Variants in BACH2 observed in about 807,000 individuals in gnomAD.
BACH2 encodes the protein transcription regulator protein BACH2.
In BACH2, 5 loss-of-function variants were observed where a neutral mutation model predicts 61.8. That is an observed-to-expected ratio of 0.08 (90% CI 0.04 to 0.17). The LOEUF is 0.17. Among genes scored for constraint, BACH2 ranks in the 10% least tolerant of loss-of-function variants. The probability of loss-of-function intolerance (pLI) is 1.00; values close to 1 mark genes in which losing one functional copy is unlikely to be tolerated. For missense variants in BACH2, 824 were observed against 1,091.1 expected (o/e 0.76, Z 3.45); for synonymous variants, 446 against 440.1 (o/e 1.01, Z -0.17).
chr6:90,103,015 A>ATC (rs1782727555), intron 4 of BACH2, among the ~76,000 whole-genome samples: 1 of 31,994 alleles, frequency 3.1e-5, no homozygotes, highest in Non-Finnish European at 5.8e-5. Context: ...ACATATATAT[A>ATC]TATATATATA....
rs12176337 is a variant in BACH2 at position 90,099,247 on chromosome 6, G to A, written c.-161-10138C>T. 7.2e-3 allele frequency among the ~76,000 whole-genome samples: 1,090 copies of A among 152,324 alleles called. 82 individuals are homozygous for A. In the East Asian group the frequency reaches 0.16, roughly 23 times the overall value. On this transcript the variant is annotated intron_variant, in intron 4 of 8. Transcript: ENST00000257749. ...TCTCCTCCAGGAGAAGTGTGGGGCA[G>A]TGAATTAGGAATAAGCCTAAAGTCA...
chr6:90,133,979 G>C (rs574830059), intron 4 of BACH2, among the ~76,000 whole-genome samples: 101 of 152,300 alleles, frequency 6.6e-4, no homozygotes, highest in African/African-American at 2.3e-3. Context: ...CTTTGCTATT[G>C]TGAATAGTGC....
chr6:90,222,469 CTG>C (rs892142324), intron 3 of BACH2, among the ~76,000 whole-genome samples: 25 of 152,150 alleles, frequency 1.6e-4, no homozygotes, highest in Non-Finnish European at 4.4e-5. Flanking sequence ...CTTTAGAAGA[CTG>C]TATGTGAGGG....
intron 3 of BACH2, among the ~76,000 whole-genome samples, chr6:90,248,525 A>T (rs1770706928): frequency 6.6e-6 from 1 of 152,226 alleles, no homozygotes; most frequent in African/African-American, 2.4e-5. Flanking sequence ...AGTATGGACA[A>T]CTGGGTGGTG....
chr6:90,093,180 T>C (rs1782243320), intron 4 of BACH2, among the ~76,000 whole-genome samples: 1 of 152,208 alleles, frequency 6.6e-6, no homozygotes, highest in Non-Finnish European at 1.5e-5. Context: ...ACAACTGGTA[T>C]AGCCAAGTAA....
intron 5 of BACH2, among the ~76,000 whole-genome samples, chr6:90,018,952 GCTT>G (rs1266421847): frequency 2.0e-5 from 3 of 152,118 alleles, no homozygotes; most frequent in East Asian, 3.9e-4. Flanking sequence ...TTCTATTCTG[GCTT>G]CTTATTAGTC....
intron 6 of BACH2, among the ~76,000 whole-genome samples, chr6:89,958,371 C>T (rs1370152981): frequency 6.6e-6 from 1 of 152,302 alleles, no homozygotes; most frequent in Non-Finnish European, 1.5e-5. Flanking sequence ...ATTCAAGTCT[C>T]AGCTCTGCTG....
chr6:90,064,094 A>G (rs551791476), intron 5 of BACH2, among the ~76,000 whole-genome samples: 4 of 152,328 alleles, frequency 2.6e-5, no homozygotes, highest in African/African-American at 9.6e-5. Context: ...AGAAAATGAA[A>G]ATGAATAAGA....
At chr6:90,030,480 G>C (rs1190246926) in intron 5 of BACH2, among the ~76,000 whole-genome samples, 2 of 152,072 alleles carry the variant, frequency 1.3e-5, no homozygotes, top group Non-Finnish European at 2.9e-5. Flanking sequence ...GAAGAAAAGA[G>C]AGAAGAATCA....
chr6:90,096,424 G>C (rs765474296), intron 4 of BACH2, among the ~76,000 whole-genome samples: 2 of 152,120 alleles, frequency 1.3e-5, no homozygotes, highest in African/African-American at 2.4e-5. Flanking sequence ...TTTCCATCAA[G>C]GGATAACCAA....
At chr6:90,269,989 T>C (rs1042401483) in intron 2 of BACH2, among the ~76,000 whole-genome samples, 2 of 152,230 alleles carry the variant, frequency 1.3e-5, no homozygotes, top group African/African-American at 4.8e-5. Flanking sequence ...ATATTTGGTT[T>C]TCCATTCCTG....
In BACH2 at chr6:90,246,720, G is replaced by A. The variant is rs73755607; in HGVS notation, c.-275+5793C>T. ...ATTTTAAGGTGATTTGAAGCAAAAG[G>A]TCACCAAGTATATTACAATACAATC... On this transcript the variant is annotated intron_variant, in intron 3 of 8. Coordinates refer to ENST00000257749, the MANE Select transcript of BACH2 (RefSeq NM_021813.4). Among the ~76,000 whole-genome samples, 981 of 152,112 alleles carry A rather than the reference G, an allele frequency of 6.4e-3. 10 individuals carry two copies. Among genetic ancestry groups the A allele is most frequent in the African/African-American group, 0.023 (937 of 41,478 alleles).
intron 4 of BACH2, among the ~76,000 whole-genome samples, chr6:90,153,010 T>C (rs1374988708): frequency 6.6e-6 from 1 of 152,154 alleles, no homozygotes; most frequent in Non-Finnish European, 1.5e-5. Context: ...TCAAATCTAA[T>C]TAAGCACCAG....
chr6:90,027,664 T>G (rs1233193161), intron 5 of BACH2, among the ~76,000 whole-genome samples: 1 of 152,184 alleles, frequency 6.6e-6, no homozygotes, highest in African/African-American at 2.4e-5. Context: ...CCTTCCATCC[T>G]TAGATAGAGG....
At position 89,931,211 on chromosome 6, in the gene BACH2, TG is replaced by T. The variant is rs1772624963; in HGVS notation, c.*1196del. On this transcript the variant is annotated 3_prime_UTR_variant, in exon 9 of 9. Transcript: ENST00000257749. ...ATAAAATCACGGATTCCTGTTTTTC[TG>T]ATGTACTTTTGAGTGAGATGTCCAA... 6.6e-6 allele frequency: 1 copy of T among 152,382 alleles called. No homozygotes were observed. Among genetic ancestry groups the T allele is most frequent in the African/African-American group, 2.4e-5 (1 of 41,464 alleles). 9.4% of individuals were successfully genotyped at this position (152,382 alleles called of 1,614,324 possible).
chr6:90,157,347 C>T (rs1201453487), intron 4 of BACH2, among the ~76,000 whole-genome samples: 1 of 152,170 alleles, frequency 6.6e-6, no homozygotes, highest in Non-Finnish European at 1.5e-5. Flanking sequence ...TCTAAGGGCA[C>T]AAAAATTTGT....
chr6:90,048,997 G>C (rs574736127), intron 5 of BACH2, among the ~76,000 whole-genome samples: 1 of 152,224 alleles, frequency 6.6e-6, no homozygotes, highest in South Asian at 2.1e-4. Context: ...AAGCAAAATG[G>C]GGAACTCAAA....
chr6:90,275,618 G>C (rs1239611433), intron 1 of BACH2, among the ~76,000 whole-genome samples: 1 of 152,076 alleles, frequency 6.6e-6, no homozygotes, highest in Admixed American at 6.6e-5. Flanking sequence ...CCTAGTACCT[G>C]ATAGGTTTTT....
intron 4 of BACH2, among the ~76,000 whole-genome samples, chr6:90,119,939 C>G (rs1783555519): frequency 6.6e-6 from 1 of 152,168 alleles, no homozygotes; most frequent in Non-Finnish European, 1.5e-5. Flanking sequence ...GTCAGGGGAC[C>G]ATTAAGGACC....
Sources: gnomAD v4.1 joint callset for allele counts (sites outside exome capture counted in the v4.1 genomes callset) on GRCh38, gnomAD v4.1.1 for gene constraint, MANE v1.5 for transcripts, NCBI Gene and HGNC (gene_info 2026-07-23, HGNC 2026-07-21) for gene names.